The following KCNQ1 variants were observed in gnomAD, a reference collection of about 807,000 sequenced individuals.
KCNQ1 encodes the protein potassium voltage-gated channel subfamily KQT member 1.
KCNQ1 carries 49 observed loss-of-function variants against 72.4 expected under a neutral mutation model. That is an observed-to-expected ratio of 0.68 (90% CI 0.54 to 0.86). KCNQ1 has a LOEUF of 0.86. Among genes scored for constraint, KCNQ1 ranks in the 40% least tolerant of loss-of-function variants. The probability of loss-of-function intolerance (pLI) is 0.00; values close to 1 mark genes in which losing one functional copy is unlikely to be tolerated. For synonymous variants in KCNQ1, 450 were observed against 412.6 expected, an observed-to-expected ratio of 1.09 and a Z score of -1.10; for missense variants, 790 against 945.1, an observed-to-expected ratio of 0.84 and a Z score of 2.15.
chr11:2,461,425 G>C (rs776147204), intron 1 of KCNQ1: 15 of 1,280,246 alleles, frequency 1.2e-5, no homozygotes, highest in East Asian at 1.1e-4. Context: ...CGGCCGGGGC[G>C]GGGGTGGCCC....
At chr11:2,721,220 A>G (rs1166156923) in intron 11 of KCNQ1, among the ~76,000 whole-genome samples, 1 of 152,156 alleles carries the variant, frequency 6.6e-6, no homozygotes, top group African/African-American at 2.4e-5. Flanking sequence ...AGCATCCACG[A>G]CTAATTTCTT....
chr11:2,738,011 A>G (rs1469910678), intron 11 of KCNQ1, among the ~76,000 whole-genome samples: 1 of 151,994 alleles, frequency 6.6e-6, no homozygotes, highest in African/African-American at 2.4e-5. Context: ...GGCTGCAGGG[A>G]TTCAAGGGAG....
At position 2,562,523 on chromosome 11, in the gene KCNQ1, G is replaced by A. The variant is rs1848187807; in HGVS notation, c.478-8105G>A. Among the ~76,000 whole-genome samples, 1 of 152,158 alleles carries A rather than the reference G, an allele frequency of 6.6e-6. No homozygotes were observed. The highest frequency in any genetic ancestry group is 1.5e-5 in the Non-Finnish European group (1 of 67,990). ...GGGACCACTGCCCCCACAGGGAAGCGCCTGGCTCAGCACAGGCCCAGCCCT... is the reference window on the plus strand; with the variant it reads ...GGGACCACTGCCCCCACAGGGAAGCACCTGGCTCAGCACAGGCCCAGCCCT... On this transcript the variant is annotated intron_variant, in intron 2 of 15. Transcript: ENST00000155840. This position sits in a 1 kb window ranked among gnomAD's most constrained non-coding sequence, Gnocchi z 7.5.
Position 2,772,447 on chromosome 11 carries a change from C to A in KCNQ1, c.1591-3513C>A, listed in dbSNP as rs543898578. 6.6e-6 allele frequency among the ~76,000 whole-genome samples: 1 copy of A among 152,176 alleles called. No individual in the cohort carries two copies. Among genetic ancestry groups the A allele is most frequent in the East Asian group, 1.9e-4 (1 of 5,156 alleles). On this transcript the variant is annotated intron_variant, in intron 12 of 15. Coordinates refer to ENST00000155840, the MANE Select transcript of KCNQ1 (RefSeq NM_000218.3). This position sits in a 1 kb window ranked among gnomAD's most constrained non-coding sequence, Gnocchi z 6.6. ...TCGGCTCATCTCAGGCTCCTGAAGT[C>A]AGGATGATCTTTCCAGCCCAACCCC...
intron 11 of KCNQ1, among the ~76,000 whole-genome samples, chr11:2,760,227 A>T (rs1256499593): frequency 6.6e-6 from 1 of 152,004 alleles, no homozygotes; most frequent in Non-Finnish European, 1.5e-5. Flanking sequence ...CCCTGAGACC[A>T]CTCAGCCTGG....
rs1848984514 is a variant in KCNQ1, at chr11:2,611,910, T to G, written c.1393+23056T>G. 2.5e-6 allele frequency: 1 copy of G among 398,456 alleles called. No homozygotes were observed. Among genetic ancestry groups the G allele is most frequent in the South Asian group, 1.3e-4 (1 of 7,854 alleles). The allele number at this position is 398,456 out of a possible 1,614,324, so 24.7% of individuals were successfully genotyped here. A position where few individuals can be genotyped will look rare whatever the true frequency, so the allele number is the denominator to read the frequency against. ...AATCTGGAGGTTACAATAAGCAGCT[T>G]AAGCAAAAACAATCTGCTTCAGGTT... On this transcript the variant is annotated intron_variant, in intron 10 of 15. Transcript: ENST00000155840. The surrounding 1 kb of genome is among the most constrained non-coding windows in gnomAD (Gnocchi z 5.3).
chr11:2,599,631 G>A lies in KCNQ1; in HGVS notation c.1393+10777G>A, dbSNP rs547906204. On this transcript the variant is annotated intron_variant, in intron 10 of 15. Transcript: ENST00000155840. The surrounding 1 kb of genome is among the most constrained non-coding windows in gnomAD (Gnocchi z 4.7). Reference sequence around the variant, plus strand: ...GTATTTCTCACAATTCTGGAGGATAGAAGTCTGAGATCAAGGTGTCAGCAA... The same window carrying A: ...GTATTTCTCACAATTCTGGAGGATAAAAGTCTGAGATCAAGGTGTCAGCAA... 3.9e-5 allele frequency among the ~76,000 whole-genome samples: 6 copies of A among 152,356 alleles called. No homozygotes were observed. The highest frequency in any genetic ancestry group is 1.4e-4 in the African/African-American group (6 of 41,588).
At chr11:2,513,879 C>T (rs967253958) in intron 1 of KCNQ1, among the ~76,000 whole-genome samples, 3 of 152,234 alleles carry the variant, frequency 2.0e-5, no homozygotes. Context: ...AATTCACCTG[C>T]CCGGCTAAAG....
At position 2,619,085 on chromosome 11, in the gene KCNQ1, C is replaced by T. The variant is rs554922423; in HGVS notation, c.1393+30231C>T. 1.2e-3 allele frequency: 477 copies of T among 398,388 alleles called. No individual in the cohort carries two copies. Among genetic ancestry groups the T allele is most frequent in the Non-Finnish European group, 1.9e-3 (422 of 225,980 alleles). 24.7% of individuals were successfully genotyped at this position (398,388 alleles called of 1,614,324 possible). On this transcript the variant is annotated intron_variant, in intron 10 of 15. Coordinates refer to ENST00000155840, the MANE Select transcript of KCNQ1 (RefSeq NM_000218.3). Reference sequence around the variant, plus strand: ...TAACAGGTTGCTTTGTCAGAGTCTTCGGGGTTTTCTATATGTAGGATCATG... The same window carrying T: ...TAACAGGTTGCTTTGTCAGAGTCTTTGGGGTTTTCTATATGTAGGATCATG...
At chr11:2,452,910 C>T (rs1348876278) in intron 1 of KCNQ1, among the ~76,000 whole-genome samples, 1 of 152,204 alleles carries the variant, frequency 6.6e-6, no homozygotes, top group African/African-American at 2.4e-5. Context: ...AGTGACCAGA[C>T]TGCACCCACT....
At chr11:2,459,104 C>T (rs957886799) in intron 1 of KCNQ1, among the ~76,000 whole-genome samples, 1 of 152,184 alleles carries the variant, frequency 6.6e-6, no homozygotes, top group Admixed American at 6.5e-5. Context: ...CTTTATGGGG[C>T]TCTGGAGCAG....
Position 2,457,206 on chromosome 11 carries a change from A to G in KCNQ1, c.386+11722A>G, listed in dbSNP as rs77887017. Among the ~76,000 whole-genome samples the G allele has an allele frequency of 2.3e-3, 351 of 152,284 alleles. 1 individual carries two copies. The highest frequency in any genetic ancestry group is 8.0e-3 in the African/African-American group (334 of 41,564). ...ACTTACACCCTGTTGACGGGAGTGTAAATGAGTCCAGCCACCATGGAAGGC... is the reference window on the plus strand; with the variant it reads ...ACTTACACCCTGTTGACGGGAGTGTGAATGAGTCCAGCCACCATGGAAGGC... On this transcript the variant is annotated intron_variant, in intron 1 of 15. Coordinates refer to ENST00000155840, the MANE Select transcript of KCNQ1 (RefSeq NM_000218.3). The surrounding 1 kb of genome is among the most constrained non-coding windows in gnomAD (Gnocchi z 5.0).
rs147036700 is a variant in KCNQ1 at position 2,752,223 on chromosome 11, T to A, written c.1515-16621T>A. Among the ~76,000 whole-genome samples, 829 of 152,234 alleles carry A rather than the reference T, an allele frequency of 5.4e-3. 4 individuals are homozygous for A. Among genetic ancestry groups the A allele is most frequent in the Non-Finnish European group, 9.2e-3 (629 of 68,020 alleles). On this transcript the variant is annotated intron_variant, in intron 11 of 15. Coordinates refer to ENST00000155840, the MANE Select transcript of KCNQ1 (RefSeq NM_000218.3). The surrounding 1 kb of genome is among the most constrained non-coding windows in gnomAD (Gnocchi z 5.2). ...ACTGAGTTGAGGTGACTGGGTTGAT[T>A]TTAGCTTCACAGGTGATCTGAACCC...
chr11:2,674,718 T>C lies in KCNQ1; in HGVS notation c.1514+12637T>C, dbSNP rs554224489. On this transcript the variant is annotated intron_variant, in intron 11 of 15. Coordinates refer to ENST00000155840, the MANE Select transcript of KCNQ1 (RefSeq NM_000218.3). The surrounding 1 kb of genome is among the most constrained non-coding windows in gnomAD (Gnocchi z 5.9). ...ACCTTTCCTGATGACTCCTTCCTTC[T>C]GAACTTAACTCGTTAAAGTTGCTCC... The C allele has an allele frequency of 2.3e-5, 9 of 398,196 alleles. No individual in the cohort carries two copies. The highest frequency in any genetic ancestry group is 1.3e-4 in the Admixed American group (3 of 22,670). 24.7% of individuals were successfully genotyped at this position (398,196 alleles called of 1,614,324 possible).
chr11:2,706,760 C>G (rs1246207727), intron 11 of KCNQ1, among the ~76,000 whole-genome samples: 2 of 152,204 alleles, frequency 1.3e-5, no homozygotes, highest in Admixed American at 1.3e-4. Context: ...TGTCTTTGCT[C>G]TTGCAGAGTT....
At position 2,703,782 on chromosome 11, in the gene KCNQ1, G is replaced by A. The variant is rs1850860879; in HGVS notation, c.1514+41701G>A. 2.0e-5 allele frequency among the ~76,000 whole-genome samples: 3 copies of A among 152,206 alleles called. No individual in the cohort carries two copies. The highest frequency in any genetic ancestry group is 4.4e-5 in the Non-Finnish European group (3 of 68,024). On this transcript the variant is annotated intron_variant, in intron 11 of 15. Transcript: ENST00000155840. This position sits in a 1 kb window ranked among gnomAD's most constrained non-coding sequence, Gnocchi z 6.4. ...TGGCAGGCCCTGGCCAAGGAGTTCT[G>A]TGGGCCTCAATTCTCTCCCTACCCT...
In KCNQ1 at chr11:2,758,478, C is replaced by A. The variant is rs897827943; in HGVS notation, c.1515-10366C>A. ...TGGGAATGTAAACTGATGCAGCACTCGGGGAAAATAATGTGGTCGTTTCTT... is the reference window on the plus strand; with the variant it reads ...TGGGAATGTAAACTGATGCAGCACTAGGGGAAAATAATGTGGTCGTTTCTT... On this transcript the variant is annotated intron_variant, in intron 11 of 15. Transcript: ENST00000155840. Among the ~76,000 whole-genome samples, 3 of 152,234 alleles carry A rather than the reference C, an allele frequency of 2.0e-5. No homozygotes were observed. In the East Asian group the frequency reaches 5.8e-4, roughly 29 times the overall value.
rs1338636634 is a variant in KCNQ1, at chr11:2,571,995, A to G, written c.684-18A>G. On this transcript the variant is annotated intron_variant, in intron 4 of 15. Coordinates refer to ENST00000155840, the MANE Select transcript of KCNQ1 (RefSeq NM_000218.3). ...AGCCCAGCCTGGCTCCCTCAGCCCC[A>G]CACCATCTCCTTCGCAGGGGCATCC... 6.2e-7 allele frequency: 1 copy of G among 1,606,420 alleles called. No homozygotes were observed. The highest frequency in any genetic ancestry group is 8.5e-7 in the Non-Finnish European group (1 of 1,175,798).
chr11:2,841,901 C>T (rs564810834), intron 15 of KCNQ1, among the ~76,000 whole-genome samples: 1 of 152,250 alleles, frequency 6.6e-6, no homozygotes, highest in East Asian at 1.9e-4. Context: ...GAGGCAACCC[C>T]GCTCCTGGGG....
Sources: allele counts gnomAD v4.1 joint callset (sites outside exome capture counted in the v4.1 genomes callset), GRCh38; gene constraint gnomAD v4.1.1; non-coding constraint Gnocchi (gnomAD v3.1); transcripts MANE v1.5; gene names NCBI Gene and HGNC (gene_info 2026-07-23, HGNC 2026-07-21).